The following SLAIN1 variants were observed in gnomAD, a reference collection of about 807,000 sequenced individuals.
SLAIN1 encodes the protein SLAIN family member 1.
Under a neutral mutation model 55.4 loss-of-function variants are expected in SLAIN1, and 17 were observed. The observed-to-expected ratio is 0.31, with a 90% confidence interval of 0.21 to 0.46. The LOEUF is 0.46. SLAIN1 is among the 20% of genes least tolerant of loss of function. SLAIN1 has a pLI of 1.00. For synonymous variants in SLAIN1, 348 were observed against 337.4 expected, an observed-to-expected ratio of 1.03 and a Z score of -0.35; for missense variants, 682 against 785.1, an observed-to-expected ratio of 0.87 and a Z score of 1.57.
chr13:77,719,834 T>C (rs1314580588), intron 2 of SLAIN1, among the ~76,000 whole-genome samples, 163 bp downstream of exon 2: 1 of 152,218 alleles, frequency 6.6e-6, no homozygotes, highest in East Asian at 1.9e-4. Context: ...GCTTTCTCAA[T>C]GTAAGATGTG....
At chr13:77,712,263 G>C (rs1049141286) in intron 1 of SLAIN1, among the ~76,000 whole-genome samples, 2 of 152,172 alleles carry the variant, frequency 1.3e-5, no homozygotes, top group African/African-American at 4.8e-5. Context: ...CAAATAGGAA[G>C]AGAGGAAGTC....
intron 1 of SLAIN1, among the ~76,000 whole-genome samples, chr13:77,712,468 A>G (rs1331402346): frequency 6.6e-6 from 1 of 152,208 alleles, no homozygotes; most frequent in Non-Finnish European, 1.5e-5. Flanking sequence ...CACAATTGCT[A>G]CAAAGAGAAT....
intron 1 of SLAIN1, among the ~76,000 whole-genome samples, chr13:77,715,172 C>T (rs1290882332): frequency 1.3e-5 from 2 of 152,128 alleles, no homozygotes; most frequent in African/African-American, 2.4e-5. Flanking sequence ...AGTTTTATAT[C>T]AATAAAGTCA....
chr13:77,733,763 A>G (rs1483735187), intron 2 of SLAIN1, among the ~76,000 whole-genome samples: 1 of 152,184 alleles, frequency 6.6e-6, no homozygotes, highest in Non-Finnish European at 1.5e-5. Context: ...CATCTGCTTC[A>G]AAGTAGTAGG....
At chr13:77,743,093 T>TATAGCA in intron 2 of SLAIN1, 1 of 1,303,662 alleles carries the variant, frequency 7.7e-7, no homozygotes. Context: ...ACTCAGCCCT[T>TATAGCA]ATAGCAATGG....
Position 77,761,104 on chromosome 13 carries a change from T to C in SLAIN1, c.1691T>C (p.Val564Ala). ...CCTCGAAGCAAAATTGCACAACCTGTTAGAAGGTAAGAATGTGTATTTGCG... is the reference window on the plus strand; with the variant it reads ...CCTCGAAGCAAAATTGCACAACCTGCTAGAAGGTAAGAATGTGTATTTGCG... ...NLPRSKIAQP[V>A]RSFLQPPKPL... The change falls in exon 6 of 7, where the codon GTT (valine) becomes GCT (alanine). Residue 564 changes from valine to alanine, a missense_variant. This residue lies in a region of SLAIN1 where 244 missense variants were observed against 295.2 expected (regional missense o/e 0.83). Coordinates refer to ENST00000418532, the MANE Select transcript of SLAIN1 (RefSeq NM_001242868.2). The C allele has an allele frequency of 6.2e-7, 1 of 1,613,996 alleles. No homozygotes were observed.
intron 1 of SLAIN1, among the ~76,000 whole-genome samples, chr13:77,708,857 C>T (rs1432130446): frequency 6.6e-6 from 1 of 152,018 alleles, no homozygotes. Flanking sequence ...GCCTCTTCTC[C>T]TCCAAAGGAT....
At chr13:77,713,041 C>A (rs1404138860) in intron 1 of SLAIN1, among the ~76,000 whole-genome samples, 6 of 152,142 alleles carry the variant, frequency 3.9e-5, no homozygotes, top group Non-Finnish European at 1.5e-5. Flanking sequence ...CTTCCTTACA[C>A]CTTATGCAAA....
intron 2 of SLAIN1, among the ~76,000 whole-genome samples, chr13:77,733,483 T>G (rs1182008000): frequency 6.6e-6 from 1 of 152,136 alleles, no homozygotes; most frequent in Non-Finnish European, 1.5e-5. Flanking sequence ...GGTTAATGAT[T>G]TTTAAGTTAT....
chr13:77,710,894 A>T (rs1245330938), intron 1 of SLAIN1, among the ~76,000 whole-genome samples: 1 of 152,246 alleles, frequency 6.6e-6, no homozygotes, highest in Non-Finnish European at 1.5e-5. Context: ...CTCTCAGACC[A>T]CAGTGCAATC....
At chr13:77,729,901 C>CTGTGTG (rs146215187) in intron 2 of SLAIN1, among the ~76,000 whole-genome samples, 1 of 150,410 alleles carries the variant, frequency 6.6e-6, no homozygotes, top group African/African-American at 2.4e-5. Flanking sequence ...GCCAGTAACT[C>CTGTGTG]TGTGTGTGTG....
chr13:77,716,425 G>C (rs1172393616), intron 1 of SLAIN1, among the ~76,000 whole-genome samples: 1 of 151,752 alleles, frequency 6.6e-6, no homozygotes, highest in Non-Finnish European at 1.5e-5. Context: ...AAGCTTGCTG[G>C]AATTTCTATT....
chr13:77,710,445 GTC>G (rs1481381061), intron 1 of SLAIN1, among the ~76,000 whole-genome samples: 4 of 152,056 alleles, frequency 2.6e-5, no homozygotes, highest in African/African-American at 9.7e-5. Flanking sequence ...TGCAATCCTA[GTC>G]TCTGATAAAA....
At chr13:77,732,692 A>G (rs1202494842) in intron 2 of SLAIN1, among the ~76,000 whole-genome samples, 1 of 151,716 alleles carries the variant, frequency 6.6e-6, no homozygotes, top group Non-Finnish European at 1.5e-5. Context: ...TTAAATCTCC[A>G]CTATTAATTG....
At chr13:77,746,462 CTA>C in intron 3 of SLAIN1, 50 bp from the exon 4 acceptor site, 1 of 1,445,526 alleles carries the variant, frequency 6.9e-7, no homozygotes. Flanking sequence ...TTAATTATAA[CTA>C]AATGTTAGCT....
At chr13:77,701,651 A>G (rs1566216486) in intron 1 of SLAIN1, among the ~76,000 whole-genome samples, 1 of 152,160 alleles carries the variant, frequency 6.6e-6, no homozygotes. Flanking sequence ...TTGCCTTAAT[A>G]CTACCTGATT....
rs780824249 is a variant in SLAIN1 at position 77,760,819 on chromosome 13, C to T, written c.1415-9C>T. The T allele has an allele frequency of 6.2e-7, 1 of 1,610,332 alleles. No individual in the cohort carries two copies. The highest frequency in any genetic ancestry group is 2.2e-5 in the East Asian group (1 of 44,820). On this transcript the variant is annotated splice_polypyrimidine_tract_variant and intron_variant, in intron 5 of 6. Transcript: ENST00000418532. ...AGGTTGCTCACATGAATATCATTTT[C>T]TCTTCTAGTTCCATCACCGGGACAG...
At position 77,697,848 on chromosome 13, in the gene SLAIN1, C is replaced by T. The variant is rs1278791816; in HGVS notation, c.-66C>T. ...GACAGGGAAGGAGCCGTAGCCTCCC[C>T]GTGGCCCGAGGAGCCGGCGCGGCGG... On this transcript the variant is annotated 5_prime_UTR_variant, in exon 1 of 7. Coordinates refer to ENST00000418532, the MANE Select transcript of SLAIN1 (RefSeq NM_001242868.2). 3.1e-5 allele frequency: 39 copies of T among 1,254,192 alleles called. No individual in the cohort carries two copies. Among genetic ancestry groups the T allele is most frequent in the Non-Finnish European group, 3.7e-5 (37 of 999,740 alleles). The allele number at this position is 1,254,192 out of a possible 1,614,324, so 77.7% of individuals were successfully genotyped here. A position where few individuals can be genotyped will look rare whatever the true frequency, so the allele number is the denominator to read the frequency against.
Position 77,698,958 on chromosome 13 carries a change from T to C in SLAIN1, c.626+419T>C. The C allele has an allele frequency of 6.5e-7, 1 of 1,534,348 alleles. No individual in the cohort carries two copies. The highest frequency in any genetic ancestry group is 8.7e-7 in the Non-Finnish European group (1 of 1,146,782). ...GTTGGCCTCTGTCTGCGACTGTTAC[T>C]GTTCTTTCGTTTTAAACGAACGCTG... On this transcript the variant is annotated intron_variant, in intron 1 of 6. Transcript: ENST00000418532. This position sits in a 1 kb window ranked among gnomAD's most constrained non-coding sequence, Gnocchi z 4.1.
Sources: allele counts gnomAD v4.1 joint callset (sites outside exome capture counted in the v4.1 genomes callset), GRCh38; gene constraint gnomAD v4.1.1; regional missense constraint gnomAD v4.1.1; non-coding constraint Gnocchi (gnomAD v3.1); transcripts MANE v1.5; gene names NCBI Gene and HGNC (gene_info 2026-07-23, HGNC 2026-07-21).